Variants in ADAMTS7 observed in about 807,000 individuals in gnomAD.
ADAMTS7 encodes ADAM metallopeptidase with thrombospondin type 1 motif 7.
Under a neutral mutation model 172.6 loss-of-function variants are expected in ADAMTS7, and 89 were observed. The ratio of observed to expected loss-of-function variants is 0.52; its 90% CI spans 0.43 to 0.61. ADAMTS7 has a LOEUF of 0.61. ADAMTS7 is among the 20% of genes least tolerant of loss of function. The probability of loss-of-function intolerance (pLI) is 0.00; values close to 1 mark genes in which losing one functional copy is unlikely to be tolerated. For missense variants in ADAMTS7, 1,973 were observed against 2,355.6 expected, an observed-to-expected ratio of 0.84 and a Z score of 3.36; for synonymous variants, 885 against 978.4, an observed-to-expected ratio of 0.90 and a Z score of 1.78.
Position 78,788,250 on chromosome 15 carries a change from A to T in ADAMTS7, c.1303T>A (p.Tyr435Asn). The T allele has an allele frequency of 6.2e-7, 1 of 1,613,656 alleles. No individual in the cohort carries two copies. Residue 435 changes from tyrosine to asparagine, a missense_variant, in exon 8 of 24, where the codon TAT becomes AAT. Coordinates refer to ENST00000388820, the MANE Select transcript of ADAMTS7 (RefSeq NM_014272.5). ...ACTTACTCAAGGAACCTGGTGATAT[A>T]CTGGCGGCTGCAGCGGGACCAGGTG... is the stretch of plus-strand genomic sequence containing the variant. ...PLTWSRCSRQYITRFLDRGWG... is the reference protein window; with the variant it reads ...PLTWSRCSRQNITRFLDRGWG...
At chr15:78,779,489 C>A (rs1215694791) in intron 8 of ADAMTS7, among the ~76,000 whole-genome samples, 2 of 152,172 alleles carry the variant, frequency 1.3e-5, no homozygotes, top group South Asian at 2.1e-4. Context: ...CATTCAACTG[C>A]GAGCCTGGCC....
rs534224022 is a variant in ADAMTS7 at position 78,796,316 on chromosome 15, G to T, written c.819+274C>A. Among the ~76,000 whole-genome samples, 10 of 152,266 alleles carry T rather than the reference G, an allele frequency of 6.6e-5. 1 individual carries two copies. The South Asian group carries it at 2.1e-3, about 32-fold the overall frequency. ...CCCCCCAGGCAAGCACAGGGTTGTG[G>T]CTGCCTCAGTCTCCCACTCCTGCTC... On this transcript the variant is annotated intron_variant, in intron 4 of 23. Transcript: ENST00000388820.
At chr15:78,793,135 C>A (rs1044778026) in intron 4 of ADAMTS7, among the ~76,000 whole-genome samples, 13 of 152,146 alleles carry the variant, frequency 8.5e-5, no homozygotes, top group African/African-American at 1.4e-4. Context: ...AATCTTCTTA[C>A]TTCTAAGGTA....
chr15:78,765,078 C>T (rs1596172072), intron 19 of ADAMTS7: 1 of 231,346 alleles, frequency 4.3e-6, no homozygotes, highest in South Asian at 1.3e-4. Context: ...GCAGCCAAAT[C>T]GCTGGGTATC....
rs1000282700 is a variant in ADAMTS7, at chr15:78,768,265, G to A, written c.2519-6C>T. The A allele has an allele frequency of 1.2e-6, 2 of 1,610,494 alleles. No individual in the cohort carries two copies. The highest frequency in any genetic ancestry group is 1.7e-6 in the Non-Finnish European group (2 of 1,179,514). ...CACATTCTGCCTCTGCACACCTAGG[G>A]GCCACGGGGCTCAGCCTGGGACTGG... On this transcript the variant is annotated splice_region_variant and splice_polypyrimidine_tract_variant and intron_variant, in intron 16 of 23. Transcript: ENST00000388820.
intron 4 of ADAMTS7, among the ~76,000 whole-genome samples, chr15:78,792,700 C>G (rs1424168059): frequency 6.6e-6 from 1 of 152,178 alleles, no homozygotes; most frequent in Non-Finnish European, 1.5e-5. Context: ...GTAATCCCAG[C>G]CCCCTGGGAG....
intron 1 of ADAMTS7, chr15:78,810,845 C>T: frequency 3.2e-6 from 1 of 312,386 alleles, no homozygotes; most frequent in Non-Finnish European, 5.8e-6. Context: ...GTGGGGAAAC[C>T]GGAGCCCGAA....
chr15:78,768,674 C>T (rs1473662341), intron 16 of ADAMTS7, among the ~76,000 whole-genome samples: 1 of 152,210 alleles, frequency 6.6e-6, no homozygotes, highest in Non-Finnish European at 1.5e-5. Flanking sequence ...AGGCTCAGCC[C>T]GTGCCCGGCA....
chr15:78,766,960 G>A lies in ADAMTS7; in HGVS notation c.2951C>T (p.Ala984Val), dbSNP rs775288143. The A allele has an allele frequency of 2.5e-6, 4 of 1,610,496 alleles. No individual in the cohort carries two copies. Among genetic ancestry groups the A allele is most frequent in the Non-Finnish European group, 2.5e-6 (3 of 1,179,282 alleles). The stretch of plus-strand genomic sequence containing the variant: ...TGGCAGAGAGCAGGTGACTTCGCTG[G>A]CTGGCTGCTGGGCCTCGTCACAGGG... ...GVPCDEAQQP[A>V]SEVTCSLPLC... Residue 984 changes from alanine (A) to valine (V), a missense_variant, in exon 19 of 24, where the codon GCC becomes GTC. This residue lies in a region of ADAMTS7 where 771 missense variants were observed against 952.6 expected (regional missense o/e 0.81). Transcript: ENST00000388820.
chr15:78,786,676 G>A (rs1180879225), intron 8 of ADAMTS7, among the ~76,000 whole-genome samples: 1 of 152,182 alleles, frequency 6.6e-6, no homozygotes, highest in Non-Finnish European at 1.5e-5. Flanking sequence ...GACAGCCTGG[G>A]TAGAATGTGC....
rs11858153 is a variant in ADAMTS7 at position 78,785,948 on chromosome 15, C to T, written c.1322+2283G>A. ...CTTCTATTATTTTTTTTTTTTGAGACGGAGTTTTTTTGCTCTTGTTGCCCA... is the reference window on the plus strand; with the variant it reads ...CTTCTATTATTTTTTTTTTTTGAGATGGAGTTTTTTTGCTCTTGTTGCCCA... On this transcript the variant is annotated intron_variant, in intron 8 of 23. Coordinates refer to ENST00000388820, the MANE Select transcript of ADAMTS7 (RefSeq NM_014272.5). 2.2e-3 allele frequency among the ~76,000 whole-genome samples: 273 copies of T among 125,720 alleles called. 1 individual carries two copies. Among genetic ancestry groups the T allele is most frequent in the Middle Eastern group, 4.5e-3 (1 of 222 alleles). The allele number at this position is 125,720 out of a possible 152,430, so 82.5% of individuals were successfully genotyped here. A position where few individuals can be genotyped will look rare whatever the true frequency, so the allele number is the denominator to read the frequency against.
intron 6 of ADAMTS7, 152 bp from the exon 7 acceptor site, chr15:78,789,990 T>C (rs757534448): frequency 4.2e-5 from 48 of 1,144,658 alleles, no homozygotes; most frequent in Non-Finnish European, 5.7e-5. Context: ...CGGTGGCCGC[T>C]TGGGAAGCAG....
Position 78,771,069 on chromosome 15 carries a change from TG to T in ADAMTS7, c.2518+92del. 6.9e-7 allele frequency: 1 copy of T among 1,451,366 alleles called. No individual in the cohort carries two copies. Among genetic ancestry groups the T allele is most frequent in the Non-Finnish European group, 9.2e-7 (1 of 1,086,318 alleles). The allele number at this position is 1,451,366 out of a possible 1,614,324, so 89.9% of individuals were successfully genotyped here. On this transcript the variant is annotated intron_variant, in intron 16 of 23. Transcript: ENST00000388820. The surrounding 1 kb of genome is among the most constrained non-coding windows in gnomAD (Gnocchi z 4.9). ...TCAGAGAAGCAAACTTCCAAACCCG[TG>T]GTGGCCCAGCAGTGAGCTGGGAGCT... is the stretch of plus-strand genomic sequence containing the variant.
intron 1 of ADAMTS7, chr15:78,810,789 T>C (rs2055856134): frequency 1.3e-5 from 3 of 227,334 alleles, no homozygotes; most frequent in Non-Finnish European, 2.6e-5. Context: ...TCCAGCCCAC[T>C]CGGACGAGAG....
intron 20 of ADAMTS7, 136 bp downstream of exon 20, chr15:78,764,419 A>T: frequency 8.3e-7 from 1 of 1,207,638 alleles, no homozygotes; most frequent in Admixed American, 2.8e-5. Context: ...GAGATTCAGA[A>T]TCCGGTGTGA....
At chr15:78,773,339 T>A in intron 13 of ADAMTS7, 136 bp from the exon 14 acceptor site, 1 of 570,488 alleles carries the variant, frequency 1.8e-6, no homozygotes, top group African/African-American at 2.2e-5. Context: ...CTGCCCCACC[T>A]CAGCTGTGCC....
At chr15:78,786,000 G>A (rs1250334839) in intron 8 of ADAMTS7, among the ~76,000 whole-genome samples, 1 of 150,106 alleles carries the variant, frequency 6.7e-6, no homozygotes, top group African/African-American at 2.4e-5. Context: ...CGCGATCTTG[G>A]CTCACTGCAA....
Position 78,766,873 on chromosome 15 carries a change from T to C in ADAMTS7, c.3038A>G (p.His1013Arg). ...PEGSGSGSSS[H>R]ELFNEADFIP... ...GAAGTCAGCCTCGTTGAAGAGCTCGTGGCTGGAGGAGCCGCTGCCTGAGCC... is the reference window on the plus strand; with the variant it reads ...GAAGTCAGCCTCGTTGAAGAGCTCGCGGCTGGAGGAGCCGCTGCCTGAGCC... The change falls in exon 19 of 24, where the codon CAC becomes CGC. Residue 1013 changes from histidine to arginine, a missense_variant. Physicochemically the swap from His to Arg is conservative, Grantham distance 29. This residue lies in a region of ADAMTS7 where 771 missense variants were observed against 952.6 expected (regional missense o/e 0.81). Transcript: ENST00000388820. 6.2e-7 allele frequency: 1 copy of C among 1,609,386 alleles called. No homozygotes were observed. Among genetic ancestry groups the C allele is most frequent in the Middle Eastern group, 2.3e-4 (1 of 4,440 alleles).
rs1207676370 is a variant in ADAMTS7, at chr15:78,790,774, G to C, written c.924C>G (p.His308Gln). 3.7e-6 allele frequency: 6 copies of C among 1,613,882 alleles called. No homozygotes were observed. Among genetic ancestry groups the C allele is most frequent in the Non-Finnish European group, 5.1e-6 (6 of 1,179,942 alleles). ...EDEEEDLKITHHADNTLKSFC... is the reference protein window; with the variant it reads ...EDEEEDLKITQHADNTLKSFC... ...AGCTCTTCAGGGTGTTGTCTGCATG[G>C]TGCGTGATCTTTAGGTCCTCCTGGG... The change falls in exon 6 of 24, where the codon CAC (histidine) becomes CAG (glutamine). Residue 308 changes from histidine to glutamine, a missense_variant. By Grantham distance (24) the His-to-Gln change is conservative. Transcript: ENST00000388820.
Sources: gnomAD v4.1 joint callset for allele counts (sites outside exome capture counted in the v4.1 genomes callset) on GRCh38, gnomAD v4.1.1 for gene constraint, gnomAD v4.1.1 regional missense constraint, Gnocchi (gnomAD v3.1) non-coding constraint, MANE v1.5 for transcripts, NCBI Gene and HGNC (gene_info 2026-07-23, HGNC 2026-07-21) for gene names.